Variants in TMEM238L observed in about 807,000 individuals in gnomAD.
The protein encoded by TMEM238L is transmembrane protein 238-like.
chr17:10,799,842 C>T (rs547227466), intron 1 of TMEM238L, among the ~76,000 whole-genome samples: 166 of 152,272 alleles, frequency 1.1e-3, no homozygotes, highest in Admixed American at 4.0e-3. Context: ...CTGCTGGACT[C>T]CTGTCCCCTC....
chr17:10,795,140 G>A (rs953092022), exon 2 of TMEM238L: 3 of 152,258 alleles, frequency 2.0e-5, no homozygotes, highest in Admixed American at 2.0e-4. Context: ...GACCCTCAGA[G>A]TTGCTGTCCT....
At chr17:10,799,916 C>A (rs1904680401) in intron 1 of TMEM238L, among the ~76,000 whole-genome samples, 3 of 151,874 alleles carry the variant, frequency 2.0e-5, no homozygotes, top group Admixed American at 2.0e-4. Flanking sequence ...AGTTTGAAAC[C>A]TCCCTTGGAA....
At chr17:10,802,053 G>A (rs944220550) in intron 1 of TMEM238L, among the ~76,000 whole-genome samples, 2 of 152,158 alleles carry the variant, frequency 1.3e-5, no homozygotes, top group African/African-American at 2.4e-5. Flanking sequence ...AAAGTGCTGG[G>A]ATTACAGGCA....
At chr17:10,802,353 G>A (rs1490550658) in intron 1 of TMEM238L, 3 of 152,058 alleles carry the variant, frequency 2.0e-5, no homozygotes, top group East Asian at 1.9e-4. Flanking sequence ...ATCTCTTTTC[G>A]ATCCTTGCAG....
In TMEM238L at chr17:10,804,014, A is replaced by G. The variant is rs931100032; in HGVS notation, c.-51T>C. The G allele has an allele frequency of 7.5e-6, 3 of 400,474 alleles. No homozygotes were observed. The highest frequency in any genetic ancestry group is 6.2e-5 in the African/African-American group (3 of 48,684). The allele number at this position is 400,474 out of a possible 1,614,324, so 24.8% of individuals were successfully genotyped here. A position where few individuals can be genotyped will look rare whatever the true frequency, so the allele number is the denominator to read the frequency against. ...AGCTGCACTCCCGGGGGTGATTTGC[A>G]TGGGAGGGTGGCGGTCCTGCCTGCT... is the stretch of plus-strand genomic sequence containing the variant. On this transcript the variant is annotated 5_prime_UTR_variant, in exon 1 of 2. It removes an upstream start codon present in the reference 5' UTR. Transcript: ENST00000581851.
At chr17:10,801,331 C>G (rs1044015407) in intron 1 of TMEM238L, among the ~76,000 whole-genome samples, 158 of 152,328 alleles carry the variant, frequency 1.0e-3, no homozygotes, top group African/African-American at 3.6e-3. Context: ...AGCCACAGCA[C>G]CCAGCCCTCA....
At chr17:10,798,458 G>A (rs1168279967) in intron 1 of TMEM238L, among the ~76,000 whole-genome samples, 2 of 152,218 alleles carry the variant, frequency 1.3e-5, no homozygotes, top group Non-Finnish European at 2.9e-5. Context: ...TCACCTTTGA[G>A]CTGACTTGGC....
At chr17:10,796,966 A>G (rs1904567727) in intron 1 of TMEM238L, among the ~76,000 whole-genome samples, 1 of 152,208 alleles carries the variant, frequency 6.6e-6, no homozygotes, top group South Asian at 2.1e-4. Context: ...CTGCCACTAT[A>G]ACATGAAACA....
exon 2 of TMEM238L, chr17:10,795,461 T>G (rs1244615984): frequency 6.6e-6 from 1 of 152,168 alleles, no homozygotes; most frequent in Non-Finnish European, 1.5e-5. Context: ...AACTGGTCAG[T>G]GTCAAAGGGT....
intron 1 of TMEM238L, chr17:10,802,249 A>T (rs1017615258): frequency 2.6e-5 from 4 of 152,168 alleles, no homozygotes; most frequent in African/African-American, 9.7e-5. Flanking sequence ...TCACATTTGG[A>T]CTTTGGGTCA....
chr17:10,801,228 T>G (rs2151523719), intron 1 of TMEM238L, among the ~76,000 whole-genome samples: 1 of 152,252 alleles, frequency 6.6e-6, no homozygotes, highest in East Asian at 1.9e-4. Flanking sequence ...TTTTTTGTAT[T>G]TTTAGTAGAG....
exon 1 of TMEM238L, chr17:10,803,874 C>A: frequency 2.5e-6 from 1 of 399,926 alleles, no homozygotes; most frequent in Non-Finnish European, 4.4e-6. Flanking sequence ...GCAAAAGGAC[C>A]AGGCCGACCG....
chr17:10,802,323 G>C (rs1904769824), intron 1 of TMEM238L: 1 of 152,164 alleles, frequency 6.6e-6, no homozygotes. Context: ...CACATCAATT[G>C]TACAGCCTTT....
At chr17:10,797,354 C>G (rs919620374) in intron 1 of TMEM238L, among the ~76,000 whole-genome samples, 51 of 146,816 alleles carry the variant, frequency 3.5e-4, no homozygotes, top group South Asian at 2.3e-4. Context: ...CTTCCTCCCC[C>G]CTTTCCTTCC....
chr17:10,796,121 G>T (rs562200054), intron 1 of TMEM238L, among the ~76,000 whole-genome samples, 173 bp from the exon 2 acceptor site: 5 of 152,316 alleles, frequency 3.3e-5, no homozygotes, highest in Admixed American at 1.3e-4. Context: ...AACCACATGA[G>T]ACTCAGCTTC....
At chr17:10,803,047 G>A (rs1904793892) in intron 1 of TMEM238L, among the ~76,000 whole-genome samples, 1 of 152,116 alleles carries the variant, frequency 6.6e-6, no homozygotes, top group African/African-American at 2.4e-5. Flanking sequence ...GAGTGGGCAT[G>A]GAGGCGAGTA....
intron 1 of TMEM238L, 40 bp from the exon 2 acceptor site, chr17:10,795,988 A>G (rs1397553986): frequency 6.6e-6 from 1 of 152,166 alleles, no homozygotes; most frequent in Non-Finnish European, 1.5e-5. Flanking sequence ...TCAGCCCCCA[A>G]CCCAAATCCA....
chr17:10,796,103 A>G (rs1904532313), intron 1 of TMEM238L, among the ~76,000 whole-genome samples, 155 bp from the exon 2 acceptor site: 1 of 152,270 alleles, frequency 6.6e-6, no homozygotes, highest in African/African-American at 2.4e-5. Context: ...ACCTTGGGCT[A>G]GCCCTGAAAC....
At chr17:10,795,126 G>A (rs1028537402) in exon 2 of TMEM238L, 5 of 152,254 alleles carry the variant, frequency 3.3e-5, no homozygotes, top group African/African-American at 1.2e-4. Context: ...AGCCTATGAG[G>A]CTTGACCCTC....
Sources: gnomAD v4.1 joint callset for allele counts (sites outside exome capture counted in the v4.1 genomes callset) on GRCh38, gnomAD v4.1.1 for gene constraint, MANE v1.5 for transcripts, NCBI Gene and HGNC (gene_info 2026-07-23, HGNC 2026-07-21) for gene names.